The following ZNF407 variants were observed in gnomAD, a reference collection of about 807,000 sequenced individuals.
ZNF407 encodes the protein zinc finger protein 407.
ZNF407 carries 17 observed loss-of-function variants against 131.2 expected under a neutral mutation model. That is an observed-to-expected ratio of 0.13 (90% CI 0.09 to 0.19). The LOEUF is 0.19. Among genes scored for constraint, ZNF407 ranks in the 10% least tolerant of loss-of-function variants. The probability of loss-of-function intolerance (pLI) is 1.00; values close to 1 mark genes in which losing one functional copy is unlikely to be tolerated. For synonymous variants in ZNF407, 1,156 were observed against 1,062.0 expected, an observed-to-expected ratio of 1.09 and a Z score of -1.72; for missense variants, 2,681 against 2,830.6, an observed-to-expected ratio of 0.95 and a Z score of 1.20.
rs529377986 is a variant in ZNF407, at chr18:75,064,579, C to T, written c.*111C>T. On this transcript the variant is annotated 3_prime_UTR_variant, in exon 9 of 9. Coordinates refer to ENST00000299687, the MANE Select transcript of ZNF407 (RefSeq NM_017757.3). ...AACCTTCAAAACCATGAGGACAAGG[C>T]TCCCGTGAGCTCTGAGCATGCCCTC... is the stretch of plus-strand genomic sequence containing the variant. 1 of 1,010,538 alleles carries T rather than the reference C, an allele frequency of 9.9e-7. No individual in the cohort carries two copies. Among genetic ancestry groups the T allele is most frequent in the Non-Finnish European group, 1.4e-6 (1 of 716,392 alleles). 62.6% of individuals were successfully genotyped at this position (1,010,538 alleles called of 1,614,324 possible).
chr18:74,628,064 A>G (rs1983881641), intron 1 of ZNF407, among the ~76,000 whole-genome samples: 1 of 151,992 alleles, frequency 6.6e-6, no homozygotes, highest in Non-Finnish European at 1.5e-5. Context: ...TTCTAAACTT[A>G]TTTGACCAGA....
chr18:74,729,861 C>T (rs1219153814), intron 3 of ZNF407, among the ~76,000 whole-genome samples: 1 of 152,098 alleles, frequency 6.6e-6, no homozygotes, highest in Non-Finnish European at 1.5e-5. Flanking sequence ...TATCTTGTGA[C>T]AGTTTTGGCC....
intron 6 of ZNF407, among the ~76,000 whole-genome samples, chr18:74,887,018 A>G (rs8089151): frequency 1.3e-5 from 2 of 151,904 alleles, no homozygotes; most frequent in African/African-American, 4.8e-5. Flanking sequence ...TCATGTGTAC[A>G]GCACTTTGAC....
At chr18:74,645,272 GT>G (rs1984918553) in intron 3 of ZNF407, among the ~76,000 whole-genome samples, 2 of 151,802 alleles carry the variant, frequency 1.3e-5, no homozygotes, top group South Asian at 2.1e-4. Context: ...TGCAGTGTTA[GT>G]TTTTTTTAAA....
At chr18:74,666,342 G>T (rs946248736) in intron 3 of ZNF407, among the ~76,000 whole-genome samples, 1 of 152,170 alleles carries the variant, frequency 6.6e-6, no homozygotes, top group Non-Finnish European at 1.5e-5. Context: ...GGACAGAGAA[G>T]TGGGTGGGCC....
At chr18:74,698,576 C>G (rs1447329104) in intron 3 of ZNF407, among the ~76,000 whole-genome samples, 1 of 152,176 alleles carries the variant, frequency 6.6e-6, no homozygotes, top group Non-Finnish European at 1.5e-5. Flanking sequence ...GTCACCCTCT[C>G]TCATTAATCC....
chr18:74,631,699 G>A lies in ZNF407; in HGVS notation c.680G>A (p.Ser227Asn), dbSNP rs780420064. ...CACTGCAGCCACAAAGCAGAGAGCAGCTCAGCACTACATATGCATATCAAA... is the reference window on the plus strand; with the variant it reads ...CACTGCAGCCACAAAGCAGAGAGCAACTCAGCACTACATATGCATATCAAA... ...CCHCSHKAESSSALHMHIKQA... is the reference protein window; with the variant it reads ...CCHCSHKAESNSALHMHIKQA... Residue 227 changes from serine (S) to asparagine (N), a missense_variant, in exon 2 of 9, where the codon AGC becomes AAC. By Grantham distance (46) the Ser-to-Asn change is conservative. Around this residue, in one of 6 missense-constraint regions of ZNF407, gnomAD observed 1,789 missense variants for 1,748.7 expected, o/e 1.02. Transcript: ENST00000299687. 1 of 1,613,986 alleles carries A rather than the reference G, an allele frequency of 6.2e-7. No individual in the cohort carries two copies. Among genetic ancestry groups the A allele is most frequent in the Middle Eastern group, 1.6e-4 (1 of 6,062 alleles).
At chr18:74,925,932 T>G (rs1367784661) in intron 8 of ZNF407, among the ~76,000 whole-genome samples, 1 of 152,230 alleles carries the variant, frequency 6.6e-6, no homozygotes, top group African/African-American at 2.4e-5. Context: ...AGGTCTATAA[T>G]TTTCAGCCTC....
chr18:74,723,904 A>T (rs2144877756), intron 3 of ZNF407, among the ~76,000 whole-genome samples: 1 of 80,568 alleles, frequency 1.2e-5, no homozygotes, highest in South Asian at 4.2e-4. Context: ...TTAAAAAAAA[A>T]TTTGGTCCAG....
At position 75,064,637 on chromosome 18, in the gene ZNF407, G is replaced by A. The variant is rs1005883746; in HGVS notation, c.*169G>A. Reference sequence around the variant, plus strand: ...GAGTCACACTGGCCACCAGCCAGGCGCCCACAGAGGGTACCGTGGGCTGGG... The same window carrying A: ...GAGTCACACTGGCCACCAGCCAGGCACCCACAGAGGGTACCGTGGGCTGGG... On this transcript the variant is annotated 3_prime_UTR_variant, in exon 9 of 9. Transcript: ENST00000299687. 2.7e-5 allele frequency: 17 copies of A among 622,808 alleles called. No homozygotes were observed. The highest frequency in any genetic ancestry group is 1.3e-4 in the African/African-American group (7 of 55,084). The allele number at this position is 622,808 out of a possible 1,614,324, so 38.6% of individuals were successfully genotyped here. A position where few individuals can be genotyped will look rare whatever the true frequency, so the allele number is the denominator to read the frequency against.
chr18:74,871,841 A>G (rs1054987476), intron 4 of ZNF407, among the ~76,000 whole-genome samples: 5 of 151,424 alleles, frequency 3.3e-5, no homozygotes, highest in Admixed American at 2.0e-4. Context: ...ACATATAGTC[A>G]TATTTATTAC....
intron 4 of ZNF407, among the ~76,000 whole-genome samples, chr18:74,856,093 G>A (rs974769377): frequency 7.9e-5 from 12 of 152,114 alleles, no homozygotes; most frequent in Non-Finnish European, 1.3e-4. Flanking sequence ...GTTCCAGTGA[G>A]GAGAAGGAAA....
At chr18:74,871,993 C>T (rs1971093543) in intron 4 of ZNF407, among the ~76,000 whole-genome samples, 1 of 152,022 alleles carries the variant, frequency 6.6e-6, no homozygotes, top group South Asian at 2.1e-4. Context: ...CCTCAGCCTC[C>T]TGAGTAGCTG....
chr18:74,663,838 A>C (rs1468936055), intron 3 of ZNF407, among the ~76,000 whole-genome samples: 1 of 152,146 alleles, frequency 6.6e-6, no homozygotes, highest in African/African-American at 2.4e-5. Context: ...CATCTTTGAG[A>C]CTTTAAAGGC....
chr18:74,786,746 T>G (rs972591932), intron 4 of ZNF407, among the ~76,000 whole-genome samples: 2 of 151,442 alleles, frequency 1.3e-5, no homozygotes, highest in African/African-American at 4.8e-5. Flanking sequence ...AAATAGTATC[T>G]ATGATCATAT....
intron 3 of ZNF407, among the ~76,000 whole-genome samples, chr18:74,747,120 T>C (rs1968687029): frequency 1.3e-5 from 2 of 150,892 alleles, no homozygotes; most frequent in African/African-American, 2.4e-5. Context: ...TGTGACCATA[T>C]GTAATATTTT....
chr18:75,021,222 T>G (rs1370475902), intron 8 of ZNF407, among the ~76,000 whole-genome samples: 2 of 152,126 alleles, frequency 1.3e-5, no homozygotes, highest in East Asian at 3.9e-4. Context: ...TATGAATATA[T>G]ATGTATTTAT....
At position 74,631,827 on chromosome 18, in the gene ZNF407, C is replaced by T. The variant is rs575463875; in HGVS notation, c.808C>T (p.Arg270Cys). 8.7e-6 allele frequency: 14 copies of T among 1,614,008 alleles called. No individual in the cohort carries two copies. The highest frequency in any genetic ancestry group is 3.3e-5 in the South Asian group (3 of 91,084). ...ACATTATCTTGGCAAAACACATCTC[C>T]GTCGTCAGAATCTGGCTGCTCGTGG... ...NAHYLGKTHL[R>C]RQNLAARGGF... Residue 270 changes from arginine to cysteine, a missense_variant, in exon 2 of 9, where the codon CGT becomes TGT. Physicochemically the swap from Arg to Cys is radical, Grantham distance 180. Transcript: ENST00000299687.
chr18:74,948,900 T>C (rs1202659115), intron 8 of ZNF407, among the ~76,000 whole-genome samples: 2 of 152,192 alleles, frequency 1.3e-5, no homozygotes, highest in Non-Finnish European at 2.9e-5. Context: ...TACTAGAACT[T>C]TTAAGGTGTT....
Sources: gnomAD v4.1 joint callset for allele counts (sites outside exome capture counted in the v4.1 genomes callset) on GRCh38, gnomAD v4.1.1 for gene constraint, gnomAD v4.1.1 regional missense constraint, MANE v1.5 for transcripts, NCBI Gene and HGNC (gene_info 2026-07-23, HGNC 2026-07-21) for gene names.